LDLRAD3: variants seen among roughly 807,000 people sequenced by gnomAD.
LDLRAD3 encodes low-density lipoprotein receptor class A domain-containing protein 3.
Under a neutral mutation model 29.4 loss-of-function variants are expected in LDLRAD3, and 20 were observed. The ratio of observed to expected loss-of-function variants is 0.68; its 90% confidence interval spans 0.48 to 0.99. The LOEUF (loss-of-function observed/expected upper bound fraction) is 0.99. Ranked by LOEUF, LDLRAD3 falls within the 50% of genes least tolerant of loss-of-function variation. LDLRAD3 has a pLI of 0.00. For synonymous variants in LDLRAD3, 157 were observed against 192.7 expected, an observed-to-expected ratio of 0.81 and a Z score of 1.53; for missense variants, 420 against 454.3, an observed-to-expected ratio of 0.92 and a Z score of 0.69.
At chr11:36,096,374 T>C (rs554714916) in intron 3 of LDLRAD3, among the ~76,000 whole-genome samples, 3 of 152,140 alleles carry the variant, frequency 2.0e-5, no homozygotes, top group South Asian at 2.1e-4. Context: ...GGTGTGGCCC[T>C]GATCCTGTAG....
At chr11:35,981,933 C>T (rs906825687) in intron 1 of LDLRAD3, among the ~76,000 whole-genome samples, 6 of 152,156 alleles carry the variant, frequency 3.9e-5, no homozygotes, top group Non-Finnish European at 7.3e-5. Context: ...CTTACTTGGC[C>T]GTGTAGCCTG....
chr11:36,210,340 T>C (rs900597462), intron 4 of LDLRAD3, among the ~76,000 whole-genome samples: 4 of 152,172 alleles, frequency 2.6e-5, no homozygotes, highest in Non-Finnish European at 4.4e-5. Flanking sequence ...ACAGAAGACT[T>C]TGATTTCTTC....
chr11:36,114,317 A>C (rs1853645552), intron 4 of LDLRAD3, among the ~76,000 whole-genome samples: 1 of 152,180 alleles, frequency 6.6e-6, no homozygotes, highest in African/African-American at 2.4e-5. Context: ...TGCGGTGCCA[A>C]CCGGGAGAAA....
At chr11:36,174,967 C>T (rs1031203304) in intron 4 of LDLRAD3, among the ~76,000 whole-genome samples, 8 of 151,548 alleles carry the variant, frequency 5.3e-5, no homozygotes, top group Admixed American at 1.3e-4. Context: ...GGGGACAGAG[C>T]GAGACTCCGT....
intron 4 of LDLRAD3, among the ~76,000 whole-genome samples, chr11:36,212,411 C>G (rs1204379700): frequency 6.6e-6 from 1 of 152,162 alleles, no homozygotes; most frequent in Admixed American, 6.5e-5. Flanking sequence ...GAAGCAATGA[C>G]ACAATTGAGC....
At chr11:36,047,419 C>A (rs1852466614) in intron 2 of LDLRAD3, among the ~76,000 whole-genome samples, 1 of 152,088 alleles carries the variant, frequency 6.6e-6, no homozygotes, top group African/African-American at 2.4e-5. Context: ...TTTCAATGGG[C>A]TAAGAAAACA....
intron 4 of LDLRAD3, among the ~76,000 whole-genome samples, chr11:36,173,758 A>G (rs1854631891): frequency 6.6e-6 from 1 of 152,152 alleles, no homozygotes; most frequent in African/African-American, 2.4e-5. Flanking sequence ...GATCTTTGAG[A>G]ATCAATATCG....
At chr11:36,013,535 C>T (rs151311087) in intron 1 of LDLRAD3, among the ~76,000 whole-genome samples, 2,530 of 150,926 alleles carry the variant, frequency 0.017, 55 homozygotes, top group African/African-American at 0.056. Flanking sequence ...TCAACTCCCA[C>T]TTATGAGTGA....
chr11:36,108,243 C>A (rs1403150662), intron 4 of LDLRAD3, among the ~76,000 whole-genome samples: 1 of 139,464 alleles, frequency 7.2e-6, no homozygotes, highest in Non-Finnish European at 1.5e-5. Flanking sequence ...TGGTGTGAAC[C>A]CAGGAGGCAG....
chr11:36,143,370 T>G (rs1417595935), intron 4 of LDLRAD3, among the ~76,000 whole-genome samples: 1 of 152,224 alleles, frequency 6.6e-6, no homozygotes, highest in East Asian at 1.9e-4. Context: ...CAGAAGAAGC[T>G]GGCACATCAG....
intron 4 of LDLRAD3, among the ~76,000 whole-genome samples, chr11:36,152,457 T>G (rs1300976194): frequency 6.6e-6 from 1 of 152,188 alleles, no homozygotes; most frequent in Non-Finnish European, 1.5e-5. Context: ...GAGCCTTAGG[T>G]CCTCTGATGC....
rs767039544 is a variant in LDLRAD3 at position 36,230,839 on chromosome 11, C to G, written c.*1442C>G. 3.3e-5 allele frequency: 5 copies of G among 152,586 alleles called. No individual in the cohort carries two copies. Among genetic ancestry groups the G allele is most frequent in the Non-Finnish European group, 5.9e-5 (4 of 68,034 alleles). 9.5% of individuals were successfully genotyped at this position (152,586 alleles called of 1,614,324 possible). On this transcript the variant is annotated 3_prime_UTR_variant, in exon 6 of 6. Transcript: ENST00000315571. ...AAGTCACTCCAGACTAACCTGTGTG[C>G]CAGACATTTGTGCATTGTTGCACTT... is the stretch of plus-strand genomic sequence containing the variant.
At chr11:36,040,355 A>G (rs533374659) in intron 2 of LDLRAD3, among the ~76,000 whole-genome samples, 18 of 152,064 alleles carry the variant, frequency 1.2e-4, no homozygotes, top group African/African-American at 4.1e-4. Context: ...AATTGAGGGC[A>G]GAGAAGGAGG....
At chr11:36,138,184 T>C (rs1854029858) in intron 4 of LDLRAD3, among the ~76,000 whole-genome samples, 1 of 152,174 alleles carries the variant, frequency 6.6e-6, no homozygotes, top group African/African-American at 2.4e-5. Context: ...TTCAGAGAGA[T>C]CTGGGTTCAA....
chr11:35,958,335 A>T (rs1273621601), intron 1 of LDLRAD3, among the ~76,000 whole-genome samples: 2 of 152,218 alleles, frequency 1.3e-5, no homozygotes, highest in African/African-American at 4.8e-5. Flanking sequence ...ACTGTAGAAT[A>T]ATTCTTCCAC....
At chr11:36,133,826 C>G (rs1287481517) in intron 4 of LDLRAD3, among the ~76,000 whole-genome samples, 1 of 152,044 alleles carries the variant, frequency 6.6e-6, no homozygotes, top group Non-Finnish European at 1.5e-5. Context: ...CATGAGCCAC[C>G]GCGCCCGGCC....
chr11:35,952,010 ATGC>A (rs1295656780), intron 1 of LDLRAD3, among the ~76,000 whole-genome samples: 3 of 152,194 alleles, frequency 2.0e-5, no homozygotes, highest in African/African-American at 7.2e-5. Context: ...ATACCTACCC[ATGC>A]TTTTAAAAAC....
At chr11:36,118,456 G>T (rs1385401519) in intron 4 of LDLRAD3, among the ~76,000 whole-genome samples, 3 of 151,344 alleles carry the variant, frequency 2.0e-5, no homozygotes, top group Non-Finnish European at 4.4e-5. Context: ...TGTGCCATTT[G>T]ACACACATGT....
intron 1 of LDLRAD3, among the ~76,000 whole-genome samples, chr11:36,023,352 AG>A (rs1326426014): frequency 1.3e-5 from 2 of 152,130 alleles, no homozygotes; most frequent in African/African-American, 2.4e-5. Context: ...CTCCTGTTGC[AG>A]GGGGCCATGG....
Sources: allele counts gnomAD v4.1 joint callset (sites outside exome capture counted in the v4.1 genomes callset), GRCh38; gene constraint gnomAD v4.1.1; transcripts MANE v1.5; gene names NCBI Gene and HGNC (gene_info 2026-07-23, HGNC 2026-07-21).